EML5: variants seen among roughly 807,000 people sequenced by gnomAD.
EML5 encodes echinoderm microtubule-associated protein-like 5.
Under a neutral mutation model 250.0 loss-of-function variants are expected in EML5, and 120 were observed. The observed-to-expected ratio is 0.48, with a 90% CI of 0.41 to 0.56. The LOEUF is 0.56. Ranked by LOEUF, EML5 falls within the 20% of genes least tolerant of loss-of-function variation. The pLI, the probability that EML5 is intolerant of heterozygous loss-of-function variation, is 0.00. For missense variants in EML5, 2,006 were observed against 2,437.6 expected, an observed-to-expected ratio of 0.82 and a Z score of 3.73; for synonymous variants, 771 against 806.5, an observed-to-expected ratio of 0.96 and a Z score of 0.75.
Position 88,618,739 on chromosome 14 carries a change from C to G in EML5, c.5449G>C (p.Gly1817Arg). The change falls in exon 40 of 44, where the codon GGC (glycine) becomes CGC (arginine). Residue 1817 changes from glycine to arginine, a missense_variant. Around this residue, in one of 7 missense-constraint regions of EML5, gnomAD observed 405 missense variants for 523.3 expected, o/e 0.77. Coordinates refer to ENST00000554922, the MANE Select transcript of EML5 (RefSeq NM_183387.3). Reference sequence around the variant, plus strand: ...TAGCTGATTCTGTTAAGAGTGGGGCCCAGCGTTAGGTCATAAAAATCCACT... The same window carrying G: ...TAGCTGATTCTGTTAAGAGTGGGGCGCAGCGTTAGGTCATAAAAATCCACT... ...NSVDFYDLTL[G>R]PTLNRISYCK... 6.2e-7 allele frequency: 1 copy of G among 1,606,920 alleles called. No individual in the cohort carries two copies. The highest frequency in any genetic ancestry group is 8.5e-7 in the Non-Finnish European group (1 of 1,176,240).
At chr14:88,745,092 A>C (rs2093984172) in intron 3 of EML5, among the ~76,000 whole-genome samples, 1 of 151,986 alleles carries the variant, frequency 6.6e-6, no homozygotes, top group Admixed American at 6.6e-5. Context: ...AAATGCTTTG[A>C]TCTAAGCAGG....
chr14:88,626,745 G>A, intron 35 of EML5, 93 bp downstream of exon 35: 1 of 1,244,966 alleles, frequency 8.0e-7, no homozygotes, highest in Non-Finnish European at 1.1e-6. Flanking sequence ...GCAGATCACA[G>A]TATCATCTCA....
At chr14:88,708,305 T>C (rs1489456584) in intron 10 of EML5, among the ~76,000 whole-genome samples, 1 of 152,184 alleles carries the variant, frequency 6.6e-6, no homozygotes, top group East Asian at 1.9e-4. Flanking sequence ...CCAAGTTACA[T>C]GCTTCCAGAA....
chr14:88,724,925 T>G (rs547544342), intron 8 of EML5, among the ~76,000 whole-genome samples: 1 of 152,312 alleles, frequency 6.6e-6, no homozygotes, highest in African/African-American at 2.4e-5. Context: ...TATAACAGTA[T>G]GGATAGCCCA....
intron 7 of EML5, among the ~76,000 whole-genome samples, chr14:88,731,417 C>T (rs903394362): frequency 1.3e-5 from 2 of 152,102 alleles, no homozygotes; most frequent in African/African-American, 2.4e-5. Flanking sequence ...TTTATGGCTG[C>T]ATAGTATTCC....
chr14:88,680,029 T>TAAA (rs2092684374), intron 21 of EML5, among the ~76,000 whole-genome samples: 1 of 152,206 alleles, frequency 6.6e-6, no homozygotes, highest in Non-Finnish European at 1.5e-5. Context: ...TTTATTTCAG[T>TAAA]GTTTTATGCT....
At chr14:88,665,612 C>A in intron 21 of EML5, 123 bp from the exon 22 acceptor site, 1 of 1,310,546 alleles carries the variant, frequency 7.6e-7, no homozygotes, top group Non-Finnish European at 1.0e-6. Flanking sequence ...GGACTGCCCG[C>A]GGCCAGGAGG....
rs978707488 is a variant in EML5, at chr14:88,663,127, A to G, written c.3410-8T>C. On this transcript the variant is annotated splice_polypyrimidine_tract_variant and splice_region_variant and intron_variant, in intron 23 of 43. Coordinates refer to ENST00000554922, the MANE Select transcript of EML5 (RefSeq NM_183387.3). Reference sequence around the variant, plus strand: ...TGACCTGTAAAAGCTTTCCTTCAAAAAAATTTTTAAAAATATTTACACATA... The same window carrying G: ...TGACCTGTAAAAGCTTTCCTTCAAAGAAATTTTTAAAAATATTTACACATA... The G allele has an allele frequency of 6.6e-7, 1 of 1,522,934 alleles. No individual in the cohort carries two copies. The highest frequency in any genetic ancestry group is 8.8e-7 in the Non-Finnish European group (1 of 1,131,654). The allele number at this position is 1,522,934 out of a possible 1,614,324, so 94.3% of individuals were successfully genotyped here.
Position 88,615,542 on chromosome 14 carries a change from C to A in EML5, c.*276G>T, listed in dbSNP as rs1237973326. The A allele has an allele frequency of 2.8e-6, 1 of 352,908 alleles. No homozygotes were observed. The highest frequency in any genetic ancestry group is 4.3e-5 in the East Asian group (1 of 23,094). 21.9% of individuals were successfully genotyped at this position (352,908 alleles called of 1,614,324 possible). A position where few individuals can be genotyped will look rare whatever the true frequency, so the allele number is the denominator to read the frequency against. Reference sequence around the variant, plus strand: ...TTTCCCAGCAGGTCTGCCGAAATCACACACTTCCCAATACAGGGGGACTTG... The same window carrying A: ...TTTCCCAGCAGGTCTGCCGAAATCAAACACTTCCCAATACAGGGGGACTTG... On this transcript the variant is annotated 3_prime_UTR_variant, in exon 44 of 44. Transcript: ENST00000554922.
At chr14:88,724,263 G>A (rs1354484368) in intron 8 of EML5, among the ~76,000 whole-genome samples, 15 of 126,912 alleles carry the variant, frequency 1.2e-4, no homozygotes, top group Admixed American at 1.2e-3. Context: ...GACAGAGCAA[G>A]ACTCCATATC....
chr14:88,672,567 T>TAG lies in EML5; in HGVS notation c.3125-7080_3125-7079dup, dbSNP rs2092491441. On this transcript the variant is annotated intron_variant, in intron 21 of 43. Transcript: ENST00000554922. ...AAGATCAGAGCAGAACTGAAGGAGA[T>TAG]AGAGACACGAAAAGCGCGTCAAAAA... Among the ~76,000 whole-genome samples the TAG allele has an allele frequency of 2.6e-5, 4 of 151,222 alleles. No homozygotes were observed. In the South Asian group the frequency reaches 8.4e-4, roughly 32 times the overall value.
chr14:88,711,878 G>A (rs1394809831), intron 10 of EML5, among the ~76,000 whole-genome samples: 1 of 151,760 alleles, frequency 6.6e-6, no homozygotes, highest in Non-Finnish European at 1.5e-5. Context: ...CCAAGAGGTG[G>A]AGGCTGCAGT....
At chr14:88,637,189 CTTAA>C (rs1157468357) in intron 32 of EML5, among the ~76,000 whole-genome samples, 2 of 152,150 alleles carry the variant, frequency 1.3e-5, no homozygotes, top group Admixed American at 1.3e-4. Flanking sequence ...TTGAGTCTAT[CTTAA>C]TTAGTCACCA....
intron 1 of EML5, among the ~76,000 whole-genome samples, chr14:88,769,327 C>G (rs565008608): frequency 2.9e-4 from 44 of 152,284 alleles, no homozygotes; most frequent in African/African-American, 1.0e-3. Flanking sequence ...TCCTTCTACT[C>G]TAGCCATGTG....
At chr14:88,705,669 G>T in intron 11 of EML5, 81 bp from the exon 12 acceptor site, 1 of 1,017,330 alleles carries the variant, frequency 9.8e-7, no homozygotes, top group Non-Finnish European at 1.5e-6. Flanking sequence ...ATGATTAAGA[G>T]CTATGTCAGT....
At chr14:88,702,730 T>C (rs1475356641) in intron 13 of EML5, 98 bp from the exon 14 acceptor site, 1 of 858,452 alleles carries the variant, frequency 1.2e-6, no homozygotes, top group Non-Finnish European at 1.7e-6. Context: ...GGGTGAATCA[T>C]TCAATTTCCA....
chr14:88,683,406 G>C (rs936661150), intron 20 of EML5, among the ~76,000 whole-genome samples: 2 of 152,188 alleles, frequency 1.3e-5, no homozygotes, highest in Non-Finnish European at 2.9e-5. Context: ...AGAGCAATAT[G>C]CTACCAATTA....
At chr14:88,687,113 G>T in intron 19 of EML5, 103 bp downstream of exon 19, 1 of 855,384 alleles carries the variant, frequency 1.2e-6, no homozygotes, top group Non-Finnish European at 1.8e-6. Context: ...TGCCCAACAA[G>T]ACGGAAAAAT....
chr14:88,681,707 C>G (rs908898275), intron 21 of EML5, among the ~76,000 whole-genome samples, 183 bp downstream of exon 21: 1 of 152,090 alleles, frequency 6.6e-6, no homozygotes, highest in Admixed American at 6.6e-5. Context: ...TAGGAGGTCC[C>G]ATAAAGCCAA....
Sources: allele counts gnomAD v4.1 joint callset (sites outside exome capture counted in the v4.1 genomes callset), GRCh38; gene constraint gnomAD v4.1.1; regional missense constraint gnomAD v4.1.1; transcripts MANE v1.5; gene names NCBI Gene and HGNC (gene_info 2026-07-23, HGNC 2026-07-21).